APBA2: variants seen among roughly 807,000 people sequenced by gnomAD.
APBA2 encodes amyloid beta precursor protein binding family A member 2.
APBA2 carries 30 observed loss-of-function variants against 75.0 expected under a neutral mutation model. The observed-to-expected ratio is 0.40, with a 90% CI of 0.30 to 0.54. The LOEUF (loss-of-function observed/expected upper bound fraction) is 0.54, where lower values mean the gene tolerates loss of function less well. APBA2 is among the 20% of genes least tolerant of loss of function. The pLI is 0.49. For missense variants in APBA2, 801 were observed against 1,016.1 expected (o/e 0.79, Z 2.88); for synonymous variants, 444 against 409.6 (o/e 1.08, Z -1.01).
chr15:29,078,644 A>C (rs111636296), intron 6 of APBA2, among the ~76,000 whole-genome samples: 2,618 of 152,026 alleles, frequency 0.017, 75 homozygotes, highest in African/African-American at 0.059. Context: ...AAACAAAAAA[A>C]AAAAGTCCAG....
At chr15:29,116,459 T>C (rs1176384552) in intron 14 of APBA2, among the ~76,000 whole-genome samples, 1 of 151,696 alleles carries the variant, frequency 6.6e-6, no homozygotes, top group Non-Finnish European at 1.5e-5. Context: ...ACCCCGTCTC[T>C]GCTAAAAAAT....
intron 3 of APBA2, among the ~76,000 whole-genome samples, chr15:29,033,542 G>A (rs1323229064): frequency 6.6e-6 from 1 of 152,002 alleles, no homozygotes; most frequent in African/African-American, 2.4e-5. Flanking sequence ...AGCTGGTCAG[G>A]GGTTCCCATG....
intron 3 of APBA2, among the ~76,000 whole-genome samples, chr15:29,030,568 T>C (rs1052075574): frequency 3.3e-5 from 5 of 152,186 alleles, no homozygotes; most frequent in African/African-American, 1.2e-4. Flanking sequence ...CATTCAGAAT[T>C]GGGAGGCAAT....
At chr15:29,007,940 A>G (rs1048414917) in intron 3 of APBA2, among the ~76,000 whole-genome samples, 1 of 152,218 alleles carries the variant, frequency 6.6e-6, no homozygotes, top group Non-Finnish European at 1.5e-5. Flanking sequence ...ATGTTCATGC[A>G]GCATGATTCA....
chr15:29,113,352 G>GT lies in APBA2; in HGVS notation c.2038-524_2038-523insT, dbSNP rs2044847966. On this transcript the variant is annotated intron_variant, in intron 13 of 14. Coordinates refer to ENST00000683413, the MANE Select transcript of APBA2 (RefSeq NM_001353788.2). ...ACAAAATGCCCTTACGTCACTTGGC[G>GT]GGGGGGGGATGTAGGAATAAAGTGA... Among the ~76,000 whole-genome samples, 3 of 127,830 alleles carry GT rather than the reference G, an allele frequency of 2.3e-5. No individual in the cohort carries two copies. The Admixed American group carries it at 2.4e-4, about 10-fold the overall frequency. The allele number at this position is 127,830 out of a possible 152,430, so 83.9% of individuals were successfully genotyped here. A position where few individuals can be genotyped will look rare whatever the true frequency, so the allele number is the denominator to read the frequency against.
rs534322159 is a variant in APBA2, at chr15:28,907,983, A to G, written c.-204-13657A>G. On this transcript the variant is annotated intron_variant, in intron 1 of 14. Transcript: ENST00000683413. ...GTTTAAAAACCTTAATGTTATTTAA[A>G]AATCCACTTTACCATTGGTGAAAAT... Among the ~76,000 whole-genome samples, 30 of 152,348 alleles carry G rather than the reference A, an allele frequency of 2.0e-4. No homozygotes were observed. The South Asian group carries it at 5.8e-3, about 29-fold the overall frequency.
At chr15:28,913,331 C>T (rs1438707441) in intron 1 of APBA2, among the ~76,000 whole-genome samples, 5 of 152,106 alleles carry the variant, frequency 3.3e-5, no homozygotes, top group Non-Finnish European at 7.4e-5. Context: ...TGCCCTTTCA[C>T]ACCTTGCTGC....
At chr15:29,090,551 A>G (rs1328485213) in intron 6 of APBA2, among the ~76,000 whole-genome samples, 3 of 152,174 alleles carry the variant, frequency 2.0e-5, no homozygotes, top group Non-Finnish European at 2.9e-5. Context: ...CAGCCTCCCC[A>G]GGGCCTGGGG....
At chr15:29,007,216 CAA>C (rs762781079) in intron 3 of APBA2, among the ~76,000 whole-genome samples, 2 of 152,110 alleles carry the variant, frequency 1.3e-5, no homozygotes, top group Non-Finnish European at 2.9e-5. Context: ...AAAAACAACA[CAA>C]GAGAATACAA....
Position 28,977,783 on chromosome 15 carries a change from T to A in APBA2, c.-94-17970T>A, listed in dbSNP as rs979792056. Among the ~76,000 whole-genome samples the A allele has an allele frequency of 3.3e-5, 5 of 152,266 alleles. No homozygotes were observed. In the South Asian group the frequency reaches 1.0e-3, roughly 32 times the overall value. ...ACAGCCTTTCCAGAAGGTACCTCAT[T>A]GCCTAGTACAGAAATGCTGAGGTTC... is the stretch of plus-strand genomic sequence containing the variant. On this transcript the variant is annotated intron_variant, in intron 2 of 14. Transcript: ENST00000683413.
At chr15:28,904,122 T>C (rs1158586100) in intron 1 of APBA2, among the ~76,000 whole-genome samples, 3 of 152,336 alleles carry the variant, frequency 2.0e-5, no homozygotes, top group Non-Finnish European at 1.5e-5. Context: ...TTATCACATA[T>C]GAATTCATTC....
chr15:28,971,370 A>G (rs2037058957), intron 2 of APBA2, among the ~76,000 whole-genome samples: 1 of 152,150 alleles, frequency 6.6e-6, no homozygotes. Context: ...GGGACAATTA[A>G]TGTAGCAAAC....
At chr15:28,943,077 C>T (rs1314254517) in intron 2 of APBA2, among the ~76,000 whole-genome samples, 4 of 152,216 alleles carry the variant, frequency 2.6e-5, no homozygotes, top group African/African-American at 4.8e-5. Context: ...CTTCCTCACG[C>T]GGTTCCTTGA....
chr15:28,995,416 A>G (rs1052612578), intron 2 of APBA2, among the ~76,000 whole-genome samples: 2 of 152,180 alleles, frequency 1.3e-5, no homozygotes, highest in East Asian at 1.9e-4. Context: ...CGTGGGGTCA[A>G]GCTTTGTTGT....
At chr15:29,094,523 T>G (rs1022184160) in intron 8 of APBA2, among the ~76,000 whole-genome samples, 5 of 152,264 alleles carry the variant, frequency 3.3e-5, no homozygotes, top group Admixed American at 3.3e-4. Flanking sequence ...GAAGGATTTA[T>G]TAATTCTTCT....
chr15:29,106,578 C>T (rs3816857), intron 11 of APBA2, 29 bp from the exon 12 acceptor site: 226,587 of 1,611,726 alleles, frequency 0.14, 16,804 homozygotes, highest in East Asian at 0.29. Context: ...TTGCCGCCAG[C>T]CCCTCTCACA....
At chr15:29,086,545 C>T (rs2043301634) in intron 6 of APBA2, among the ~76,000 whole-genome samples, 1 of 152,190 alleles carries the variant, frequency 6.6e-6, no homozygotes, top group African/African-American at 2.4e-5. Flanking sequence ...AATTCCTGTT[C>T]TCAAGGACAC....
At chr15:29,078,565 C>G (rs2042948592) in intron 6 of APBA2, among the ~76,000 whole-genome samples, 1 of 148,274 alleles carries the variant, frequency 6.7e-6, no homozygotes, top group Non-Finnish European at 1.5e-5. Flanking sequence ...GAGTCAAGAT[C>G]ATGCCACTGT....
At position 29,117,335 on chromosome 15, in the gene APBA2, G is replaced by A; in HGVS notation, c.*202G>A. The stretch of plus-strand genomic sequence containing the variant: ...ATGTCTTTATCAAAGGAGAGTCACA[G>A]AACAAATGTTTGTTTGTAAAGCGTT... On this transcript the variant is annotated 3_prime_UTR_variant, in exon 15 of 15. Coordinates refer to ENST00000683413, the MANE Select transcript of APBA2 (RefSeq NM_001353788.2). 2 of 604,316 alleles carry A rather than the reference G, an allele frequency of 3.3e-6. No homozygotes were observed. Among genetic ancestry groups the A allele is most frequent in the East Asian group, 5.5e-5 (2 of 36,248 alleles). The allele number at this position is 604,316 out of a possible 1,614,324, so 37.4% of individuals were successfully genotyped here. A position where few individuals can be genotyped will look rare whatever the true frequency, so the allele number is the denominator to read the frequency against.
Sources: allele counts gnomAD v4.1 joint callset (sites outside exome capture counted in the v4.1 genomes callset), GRCh38; gene constraint gnomAD v4.1.1; transcripts MANE v1.5; gene names NCBI Gene and HGNC (gene_info 2026-07-23, HGNC 2026-07-21).